Variants in CDC42SE2 observed in about 807,000 individuals in gnomAD.
CDC42SE2 encodes CDC42 small effector protein 2.
A neutral mutation model predicts 11.5 loss-of-function variants in CDC42SE2; 3 were observed. The observed-to-expected ratio is 0.26, with a 90% CI of 0.12 to 0.67. The LOEUF (loss-of-function observed/expected upper bound fraction) is 0.67, where lower values mean the gene tolerates loss of function less well. Ranked by LOEUF, CDC42SE2 falls within the 30% of genes least tolerant of loss-of-function variation. CDC42SE2 has a pLI of 0.80. For synonymous variants in CDC42SE2, 33 were observed against 34.8 expected, an observed-to-expected ratio of 0.95 and a Z score of 0.18; for missense variants, 82 against 106.8, an observed-to-expected ratio of 0.77 and a Z score of 1.02.
chr5:131,266,519 G>A (rs1303333414), intron 1 of CDC42SE2, among the ~76,000 whole-genome samples: 1 of 150,864 alleles, frequency 6.6e-6, no homozygotes, highest in Non-Finnish European at 1.5e-5. Flanking sequence ...GAGTGCAGCG[G>A]TGTGATCTCG....
At chr5:131,217,936 AGGCCGAGGCGGGTGGATTGC>A in the CDC42SE2 span, among the ~76,000 whole-genome samples, 1 of 152,184 alleles carries the variant, frequency 6.6e-6, no homozygotes, top group Non-Finnish European at 1.5e-5. Flanking sequence ...GCACTTTGAG[AGGCCGAGGCGGGTGGATTGC>A]TTAAGCTGAG....
upstream of CDC42SE2, among the ~76,000 whole-genome samples, chr5:131,260,699 C>T (rs1294499151): frequency 3.4e-5 from 5 of 147,730 alleles, no homozygotes; most frequent in African/African-American, 5.0e-5. Flanking sequence ...TTTGGGAGGC[C>T]GAGGCAGGCG....
At chr5:131,312,582 A>G (rs1474773278) in intron 1 of CDC42SE2, among the ~76,000 whole-genome samples, 3 of 152,116 alleles carry the variant, frequency 2.0e-5, no homozygotes, top group Non-Finnish European at 4.4e-5. Context: ...CTGTGCTAGC[A>G]ATCAGCGATA....
chr5:131,254,261 G>A (rs111587483), intron 1 of CDC42SE2, among the ~76,000 whole-genome samples: 120 of 152,262 alleles, frequency 7.9e-4, no homozygotes, highest in African/African-American at 2.7e-3. Context: ...ATAAGTCTTG[G>A]TTGGGCACGG....
rs553321895 is a variant in CDC42SE2, at chr5:131,306,697, C to A, written c.-454-9279C>A. On this transcript the variant is annotated intron_variant, in intron 1 of 4. Coordinates refer to ENST00000505065, the MANE Select transcript of CDC42SE2 (RefSeq NM_001375635.1). ...GCTTTGGGTATTGTAGGCATTTTAA[C>A]AACATTAAAGATTCCAATCCCTGAA... Among the ~76,000 whole-genome samples the A allele has an allele frequency of 1.2e-4, 19 of 152,086 alleles. No individual in the cohort carries two copies. In the South Asian group the frequency reaches 3.9e-3, roughly 32 times the overall value.
chr5:131,342,278 CA>C (rs113170833), intron 2 of CDC42SE2, among the ~76,000 whole-genome samples: 66,335 of 122,592 alleles, frequency 0.54, 18,772 homozygotes, highest in Non-Finnish European at 0.68. Flanking sequence ...GACTCCTTCT[CA>C]AAAAAAAAAA....
rs543182735 is a variant in CDC42SE2, at chr5:131,308,420, T to C, written c.-454-7556T>C. ...TTCTTTTGGCTTAGGATTGACTTGG[T>C]GATGCAGGCTCTTTTTTGGTTCCAT... is the stretch of plus-strand genomic sequence containing the variant. On this transcript the variant is annotated intron_variant, in intron 1 of 4. Coordinates refer to ENST00000505065, the MANE Select transcript of CDC42SE2 (RefSeq NM_001375635.1). Among the ~76,000 whole-genome samples the C allele has an allele frequency of 7.7e-4, 117 of 152,112 alleles. No individual in the cohort carries two copies. The East Asian group carries it at 8.1e-3, about 11-fold the overall frequency.
At chr5:131,389,796 A>G (rs1750593962) in intron 4 of CDC42SE2, among the ~76,000 whole-genome samples, 1 of 152,146 alleles carries the variant, frequency 6.6e-6, no homozygotes, top group Admixed American at 6.5e-5. Flanking sequence ...AGCTGATTCC[A>G]TGAAATAAAT....
At chr5:131,258,121 G>T (rs1468989645) in intron 2 of CDC42SE2, among the ~76,000 whole-genome samples, 1 of 152,066 alleles carries the variant, frequency 6.6e-6, no homozygotes, top group South Asian at 2.1e-4. Flanking sequence ...ATCCATTGTG[G>T]TTCTTGCTTT....
the CDC42SE2 span, among the ~76,000 whole-genome samples, chr5:131,238,094 T>A: frequency 2.7e-4 from 2 of 7,430 alleles, no homozygotes; most frequent in Admixed American, 3.6e-3. Flanking sequence ...CTCTCAATAG[T>A]ATTTTTCATC....
chr5:131,324,836 T>A (rs182441577), intron 2 of CDC42SE2, among the ~76,000 whole-genome samples: 2 of 152,204 alleles, frequency 1.3e-5, no homozygotes, highest in African/African-American at 4.8e-5. Context: ...CTTGGCCCAC[T>A]CTTGGTGAAG....
At chr5:131,272,314 C>T (rs994814409) in intron 1 of CDC42SE2, among the ~76,000 whole-genome samples, 1 of 152,130 alleles carries the variant, frequency 6.6e-6, no homozygotes, top group Admixed American at 6.6e-5. Flanking sequence ...AGCCACTGCA[C>T]CTGGCCTAAT....
At position 131,302,430 on chromosome 5, in the gene CDC42SE2, C is replaced by T. The variant is rs189161424; in HGVS notation, c.-454-13546C>T. Reference sequence around the variant, plus strand: ...CCGACCTCGGGTGATCCGCCTGCCTCGGCCTCCCAAAGTGCCAGGATTACA... The same window carrying T: ...CCGACCTCGGGTGATCCGCCTGCCTTGGCCTCCCAAAGTGCCAGGATTACA... On this transcript the variant is annotated intron_variant, in intron 1 of 4. Transcript: ENST00000505065. Among the ~76,000 whole-genome samples, 310 of 152,292 alleles carry T rather than the reference C, an allele frequency of 2.0e-3. 1 individual carries two copies. The highest frequency in any genetic ancestry group is 7.1e-3 in the African/African-American group (294 of 41,546).
intron 3 of CDC42SE2, among the ~76,000 whole-genome samples, chr5:131,371,336 CG>C (rs1474356807): frequency 6.6e-6 from 1 of 152,010 alleles, no homozygotes; most frequent in East Asian, 1.9e-4. Context: ...TCTCAGTTCT[CG>C]GGGTACCCTA....
chr5:131,255,312 G>A lies in CDC42SE2; in HGVS notation n.242+83G>A, dbSNP rs1406182694. ...TTAATACATTTTATATTAATTGCAT[G>A]TTGAAATGACAATATTTTAAATAAA... On this transcript the variant is annotated intron_variant and non_coding_transcript_variant, in intron 2 of 3. Transcript: ENST00000502840. The A allele has an allele frequency of 4.6e-5, 7 of 152,068 alleles. No individual in the cohort carries two copies. The East Asian group carries it at 1.4e-3, about 29-fold the overall frequency. The allele number at this position is 152,068 out of a possible 1,614,324, so 9.4% of individuals were successfully genotyped here.
At chr5:131,354,324 A>ACC (rs1749467906) in intron 2 of CDC42SE2, among the ~76,000 whole-genome samples, 1 of 152,202 alleles carries the variant, frequency 6.6e-6, no homozygotes, top group African/African-American at 2.4e-5. Context: ...TGTAGCTACC[A>ACC]CCCAGGTCAA....
chr5:131,363,597 G>A (rs1251450820), intron 3 of CDC42SE2, among the ~76,000 whole-genome samples: 1 of 151,518 alleles, frequency 6.6e-6, no homozygotes, highest in Non-Finnish European at 1.5e-5. Context: ...GGCTGGTCTC[G>A]AACTCCTGAC....
At chr5:131,277,671 C>G (rs1580726848) in intron 1 of CDC42SE2, among the ~76,000 whole-genome samples, 1 of 152,180 alleles carries the variant, frequency 6.6e-6, no homozygotes, top group African/African-American at 2.4e-5. Context: ...AGCTTTTACA[C>G]TGGTTGTTTC....
chr5:131,299,547 A>G (rs1420437124), intron 1 of CDC42SE2, among the ~76,000 whole-genome samples: 1 of 152,164 alleles, frequency 6.6e-6, no homozygotes, highest in Admixed American at 6.5e-5. Flanking sequence ...GGGGTGGGTA[A>G]TGGTAAGAAA....
Sources: allele counts gnomAD v4.1 joint callset (sites outside exome capture counted in the v4.1 genomes callset), GRCh38; gene constraint gnomAD v4.1.1; transcripts MANE v1.5; gene names NCBI Gene and HGNC (gene_info 2026-07-23, HGNC 2026-07-21).